Variants in FAM186A observed in about 807,000 individuals in gnomAD.
FAM186A encodes family with sequence similarity 186 member A, also known as protein FAM186A.
In FAM186A, 163 loss-of-function variants were observed where a neutral mutation model predicts 216.8. The ratio of observed to expected loss-of-function variants is 0.75; its 90% CI spans 0.66 to 0.86. FAM186A has a LOEUF of 0.86. FAM186A is among the 40% of genes least tolerant of loss of function. FAM186A has a pLI of 0.00. For synonymous variants in FAM186A, 805 were observed against 1,025.3 expected (o/e 0.79, Z 4.10); for missense variants, 2,184 against 2,746.2 (o/e 0.80, Z 4.58).
intron 1 of FAM186A, among the ~76,000 whole-genome samples, chr12:50,386,166 C>T (rs1049862240): frequency 4.6e-5 from 7 of 151,680 alleles, no homozygotes; most frequent in South Asian, 2.1e-4. Context: ...TAGTAGCTTA[C>T]GCCTGTAATC....
intron 1 of FAM186A, among the ~76,000 whole-genome samples, chr12:50,389,320 G>A (rs757863729): frequency 4.6e-5 from 7 of 152,056 alleles, no homozygotes; most frequent in Non-Finnish European, 7.4e-5. Context: ...GACCAACATG[G>A]AGAAACCCCG....
At chr12:50,387,227 C>A (rs1016564772) in intron 1 of FAM186A, among the ~76,000 whole-genome samples, 1 of 152,188 alleles carries the variant, frequency 6.6e-6, no homozygotes. Flanking sequence ...TCTGACCAAT[C>A]AATTTCAATT....
intron 4 of FAM186A, among the ~76,000 whole-genome samples, chr12:50,335,704 C>T (rs1400846789): frequency 6.6e-6 from 1 of 151,812 alleles, no homozygotes; most frequent in East Asian, 1.9e-4. Flanking sequence ...AGACAGTGTC[C>T]TTGCCTTCAA....
chr12:50,349,895 A>C (rs891404825), intron 4 of FAM186A, among the ~76,000 whole-genome samples: 2 of 151,250 alleles, frequency 1.3e-5, no homozygotes, highest in African/African-American at 4.9e-5. Flanking sequence ...CAAGTTATCC[A>C]CCTGCCTCAG....
At chr12:50,380,618 C>A (rs1943245528) in intron 1 of FAM186A, among the ~76,000 whole-genome samples, 1 of 151,052 alleles carries the variant, frequency 6.6e-6, no homozygotes. Flanking sequence ...ATCGCTTGAA[C>A]CTGGGAGGTG....
chr12:50,396,261 T>G lies in FAM186A; in HGVS notation c.192+32A>C, dbSNP rs1028172204. ...GTCACAGAAAGTTTAAAAAGAAAAT[T>G]GCAGTCTGTAAACTTCAGATTCACT... is the stretch of plus-strand genomic sequence containing the variant. On this transcript the variant is annotated intron_variant, in intron 1 of 7. Transcript: ENST00000327337. 6.2e-6 allele frequency: 9 copies of G among 1,452,056 alleles called. No individual in the cohort carries two copies. In the Admixed American group the frequency reaches 2.3e-4, roughly 37 times the overall value. The allele number at this position is 1,452,056 out of a possible 1,614,324, so 89.9% of individuals were successfully genotyped here. A position where few individuals can be genotyped will look rare whatever the true frequency, so the allele number is the denominator to read the frequency against.
Position 50,383,904 on chromosome 12 carries a change from A to G in FAM186A, c.192+12389T>C, listed in dbSNP as rs1010910141. Among the ~76,000 whole-genome samples, 48 of 152,032 alleles carry G rather than the reference A, an allele frequency of 3.2e-4. 1 individual carries two copies. Among genetic ancestry groups the G allele is most frequent in the African/African-American group, 8.7e-4 (36 of 41,406 alleles). On this transcript the variant is annotated intron_variant, in intron 1 of 7. Transcript: ENST00000327337. ...GGAGGCCGAGGCAGGCGGATCACGAAGCCAGGAAATCGAGACCATCCTGGC... is the reference window on the plus strand; with the variant it reads ...GGAGGCCGAGGCAGGCGGATCACGAGGCCAGGAAATCGAGACCATCCTGGC...
chr12:50,340,981 G>A (rs1942757641), intron 4 of FAM186A, among the ~76,000 whole-genome samples: 1 of 152,042 alleles, frequency 6.6e-6, no homozygotes, highest in African/African-American at 2.4e-5. Context: ...ATTTTTGGTA[G>A]AGATGGGGTT....
intron 1 of FAM186A, among the ~76,000 whole-genome samples, chr12:50,364,993 G>A (rs1319165109): frequency 2.2e-5 from 3 of 134,116 alleles, no homozygotes; most frequent in Admixed American, 1.8e-4. Flanking sequence ...AGCCGAGATC[G>A]CACCATTGCA....
At chr12:50,395,452 G>A (rs1943403842) in intron 1 of FAM186A, among the ~76,000 whole-genome samples, 1 of 152,024 alleles carries the variant, frequency 6.6e-6, no homozygotes, top group Non-Finnish European at 1.5e-5. Context: ...GGGTCTATTA[G>A]ATTCTTATGT....
intron 5 of FAM186A, among the ~76,000 whole-genome samples, chr12:50,332,701 C>G (rs147547991): frequency 1.3e-5 from 2 of 152,070 alleles, no homozygotes; most frequent in Non-Finnish European, 2.9e-5. Context: ...GGAGAATATT[C>G]ATTTTTTTGA....
Position 50,346,325 on chromosome 12 carries a change from G to A in FAM186A, c.6503+4004C>T, listed in dbSNP as rs1470194998. Among the ~76,000 whole-genome samples, 5 of 152,062 alleles carry A rather than the reference G, an allele frequency of 3.3e-5. No individual in the cohort carries two copies. In the East Asian group the frequency reaches 7.8e-4, roughly 24 times the overall value. ...CAGCTCACTGCAATCTCTGCCTCCCGGGTTCAAGCAATTCTCCTGCCTCAG... is the reference window on the plus strand; with the variant it reads ...CAGCTCACTGCAATCTCTGCCTCCCAGGTTCAAGCAATTCTCCTGCCTCAG... On this transcript the variant is annotated intron_variant, in intron 4 of 7. Transcript: ENST00000327337.
Position 50,354,221 on chromosome 12 carries a change from T to C in FAM186A, c.2611A>G (p.Lys871Glu), listed in dbSNP as rs965502172. The C allele has an allele frequency of 6.4e-7, 1 of 1,551,684 alleles. No homozygotes were observed. Among genetic ancestry groups the C allele is most frequent in the Non-Finnish European group, 8.7e-7 (1 of 1,146,986 alleles). The stretch of plus-strand genomic sequence containing the variant: ...CTCTGTTGTTCTTGCTTTCCCTCCT[T>C]CATCTGGAGCCATGCCTTTTTTTCT... ...WEEKKAWLQM[K>E]EGKQEQQSQK... Residue 871 changes from lysine to glutamate, a missense_variant, in exon 4 of 8, where the codon AAG becomes GAG. Physicochemically the swap from Lys to Glu is moderately conservative, Grantham distance 56. Transcript: ENST00000327337.
chr12:50,354,064 T>C lies in FAM186A; in HGVS notation c.2768A>G (p.Gln923Arg). 3.2e-6 allele frequency: 5 copies of C among 1,551,770 alleles called. No homozygotes were observed. The highest frequency in any genetic ancestry group is 1.4e-5 in the African/African-American group (1 of 73,182). The change falls in exon 4 of 8, where the codon CAG becomes CGG. Residue 923 changes from glutamine to arginine, a missense_variant. By Grantham distance (43) the Gln-to-Arg change is conservative. Around this residue, in one of 7 missense-constraint regions of FAM186A, gnomAD observed 1,132 missense variants for 1,263.4 expected, o/e 0.90. Transcript: ENST00000327337. ...TTTTTGGGTCCCTTCTTCCAGCCGC[T>C]GCAGGCTTGACTTTGGAAGCTCTTC... Reference protein sequence around the residue: ...EEEELPKSSLQRLEEGTQKMK... With the variant: ...EEEELPKSSLRRLEEGTQKMK...
At chr12:50,335,317 T>C (rs984121303) in intron 4 of FAM186A, among the ~76,000 whole-genome samples, 1 of 152,132 alleles carries the variant, frequency 6.6e-6, no homozygotes, top group Non-Finnish European at 1.5e-5. Context: ...ATAAGATAGA[T>C]CATTTTTTTC....
chr12:50,383,716 G>A (rs1384095201), intron 1 of FAM186A, among the ~76,000 whole-genome samples: 2 of 152,148 alleles, frequency 1.3e-5, no homozygotes, highest in Non-Finnish European at 2.9e-5. Context: ...CTCTTGCCAT[G>A]ACAACTTCTA....
intron 1 of FAM186A, among the ~76,000 whole-genome samples, chr12:50,377,834 C>CAAA (rs58718750): frequency 7.1e-6 from 1 of 139,914 alleles, no homozygotes; most frequent in Non-Finnish European, 1.5e-5. Context: ...AACTCCACCT[C>CAAA]AAAAAAAAAA....
intron 1 of FAM186A, among the ~76,000 whole-genome samples, chr12:50,372,406 A>G (rs1267337317): frequency 6.4e-5 from 1 of 15,638 alleles, no homozygotes; most frequent in Non-Finnish European, 3.5e-4. Flanking sequence ...AGCCTGGGCA[A>G]CATAGTGAAA....
Position 50,355,513 on chromosome 12 carries a change from G to C in FAM186A, c.1319C>G (p.Ser440Ter). 3.2e-6 allele frequency: 5 copies of C among 1,551,260 alleles called. No homozygotes were observed. The highest frequency in any genetic ancestry group is 4.4e-6 in the Non-Finnish European group (5 of 1,146,930). Reference sequence around the variant, plus strand: ...CTGATAGAAATCACCTTTCTTCAATGATACGTTATCTTTAGTGCTGTCTTC... The same window carrying C: ...CTGATAGAAATCACCTTTCTTCAATCATACGTTATCTTTAGTGCTGTCTTC... ...ISEDSTKDNV[S>*]LKKGDFYQED... is the part of the protein sequence containing the mutation. Residue 440 changes from serine (S) to a stop codon, truncating the protein, a stop_gained, in exon 4 of 8, where the codon TCA becomes TGA. Transcript: ENST00000327337. LOFTEE classifies it high-confidence loss of function.
Sources: allele counts gnomAD v4.1 joint callset (sites outside exome capture counted in the v4.1 genomes callset), GRCh38; gene constraint gnomAD v4.1.1; regional missense constraint gnomAD v4.1.1; transcripts MANE v1.5; gene names NCBI Gene and HGNC (gene_info 2026-07-23, HGNC 2026-07-21).